Variants in NFIL3 observed in about 807,000 individuals in gnomAD.
The protein encoded by NFIL3 is nuclear factor, interleukin 3 regulated.
NFIL3 carries 5 observed loss-of-function variants against 10.0 expected under a neutral mutation model. That is an observed-to-expected ratio of 0.50 (90% CI 0.26 to 1.06). NFIL3 has a LOEUF of 1.06. Ranked by LOEUF, NFIL3 falls within the 50% of genes least tolerant of loss-of-function variation. The pLI, the probability that NFIL3 is intolerant of heterozygous loss-of-function variation, is 0.13. For synonymous variants in NFIL3, 202 were observed against 206.5 expected (o/e 0.98, Z 0.19); for missense variants, 436 against 547.6 (o/e 0.80, Z 2.03).
chr9:91,453,076 T>A, the NFIL3 span, among the ~76,000 whole-genome samples: 1 of 151,992 alleles, frequency 6.6e-6, no homozygotes, highest in Non-Finnish European at 1.5e-5. Context: ...ACATCTGAGG[T>A]CAATGTGTCA....
At chr9:91,420,960 T>C (rs1833751470) in intron 1 of NFIL3, among the ~76,000 whole-genome samples, 1 of 152,142 alleles carries the variant, frequency 6.6e-6, no homozygotes, top group Non-Finnish European at 1.5e-5. Context: ...GCCTTCCTTT[T>C]AATCACTATC....
At chr9:91,480,115 C>T in the NFIL3 span, among the ~76,000 whole-genome samples, 1 of 151,808 alleles carries the variant, frequency 6.6e-6, no homozygotes, top group Non-Finnish European at 1.5e-5. Flanking sequence ...TTGCCAGCCA[C>T]CTCCTGTATT....
the NFIL3 span, among the ~76,000 whole-genome samples, chr9:91,475,312 T>C: frequency 6.6e-6 from 1 of 152,228 alleles, no homozygotes; most frequent in African/African-American, 2.4e-5. Flanking sequence ...GTGCAGCATA[T>C]GTTTTATGTA....
the NFIL3 span, among the ~76,000 whole-genome samples, chr9:91,472,961 C>A: frequency 5.9e-5 from 9 of 152,184 alleles, no homozygotes; most frequent in African/African-American, 2.2e-4. Flanking sequence ...ACAGTCAGGA[C>A]CCTCAGCTGC....
At chr9:91,415,794 A>C (rs952918284) in intron 1 of NFIL3, among the ~76,000 whole-genome samples, 15 of 151,484 alleles carry the variant, frequency 9.9e-5, no homozygotes, top group Admixed American at 2.0e-4. Context: ...TGCCCAACTA[A>C]TTTTGTATTT....
chr9:91,476,924 TA>T, the NFIL3 span, among the ~76,000 whole-genome samples: 1 of 152,182 alleles, frequency 6.6e-6, no homozygotes, highest in Non-Finnish European at 1.5e-5. Flanking sequence ...AACAGAATAA[TA>T]AAAATATATT....
chr9:91,478,122 G>A, the NFIL3 span, among the ~76,000 whole-genome samples: 1 of 152,110 alleles, frequency 6.6e-6, no homozygotes, highest in Admixed American at 6.5e-5. Flanking sequence ...TGATGATTAT[G>A]TGTCTTGGGG....
At chr9:91,468,095 C>T in the NFIL3 span, among the ~76,000 whole-genome samples, 1 of 152,168 alleles carries the variant, frequency 6.6e-6, no homozygotes, top group Admixed American at 6.5e-5. Flanking sequence ...AGTTCTAGAT[C>T]CTTGAGGAAT....
chr9:91,467,882 C>A, the NFIL3 span, among the ~76,000 whole-genome samples: 3 of 152,292 alleles, frequency 2.0e-5, no homozygotes, highest in East Asian at 5.8e-4. Flanking sequence ...TTTTTTATGG[C>A]TGCATAGTAT....
At chr9:91,439,273 T>C in the NFIL3 span, among the ~76,000 whole-genome samples, 1 of 152,190 alleles carries the variant, frequency 6.6e-6, no homozygotes, top group Non-Finnish European at 1.5e-5. Context: ...GATGCTACTG[T>C]AAATGGGACT....
At chr9:91,425,905 T>C (rs1245292934), upstream of NFIL3, among the ~76,000 whole-genome samples, 2 of 152,220 alleles carry the variant, frequency 1.3e-5, no homozygotes, top group African/African-American at 4.8e-5. Context: ...GGGTCAGAAA[T>C]GCAGCTATTG....
the NFIL3 span, among the ~76,000 whole-genome samples, chr9:91,477,027 A>G: frequency 6.6e-6 from 1 of 152,202 alleles, no homozygotes; most frequent in African/African-American, 2.4e-5. Context: ...TGCATAACAC[A>G]TTACCAGAAA....
chr9:91,462,798 G>A, the NFIL3 span, among the ~76,000 whole-genome samples: 1 of 119,760 alleles, frequency 8.4e-6, no homozygotes, highest in African/African-American at 3.2e-5. Context: ...ATTTACCATT[G>A]ATTCCATCAA....
the NFIL3 span, among the ~76,000 whole-genome samples, chr9:91,460,267 G>T: frequency 6.0e-5 from 5 of 82,762 alleles, no homozygotes; most frequent in Admixed American, 4.9e-4. Flanking sequence ...AGGAGGGCTT[G>T]GTTCTTTTTT....
chr9:91,418,415 A>T (rs1833699011), intron 1 of NFIL3, among the ~76,000 whole-genome samples: 1 of 152,242 alleles, frequency 6.6e-6, no homozygotes, highest in Non-Finnish European at 1.5e-5. Context: ...TACATGCAAC[A>T]TGGTGTAATG....
At chr9:91,465,915 C>T in the NFIL3 span, among the ~76,000 whole-genome samples, 1 of 151,892 alleles carries the variant, frequency 6.6e-6, no homozygotes, top group South Asian at 2.1e-4. Context: ...TCTTGTGGTT[C>T]TTTTAGCTGG....
the NFIL3 span, among the ~76,000 whole-genome samples, chr9:91,467,612 G>A: frequency 6.6e-6 from 1 of 151,988 alleles, no homozygotes; most frequent in East Asian, 1.9e-4. Flanking sequence ...ACGTATACAT[G>A]TGCCATGTTG....
chr9:91,409,586 C>A lies in NFIL3; in HGVS notation c.1149G>T (p.Val383=). The A allele has an allele frequency of 6.2e-7, 1 of 1,614,180 alleles. No individual in the cohort carries two copies. Among genetic ancestry groups the A allele is most frequent in the South Asian group, 1.1e-5 (1 of 91,084 alleles). ...MVHSSLTPFS[V]QVTNIQDWSL... ...ACCAATCTTGAATGTTAGTCACTTG[C>A]ACTGAGAAAGGAGTAAGAGAAGAAT... The change falls in exon 2 of 2, where the codon GTG becomes GTT. Residue 383 remains valine, a synonymous_variant. Transcript: ENST00000297689.
the NFIL3 span, among the ~76,000 whole-genome samples, chr9:91,454,233 CAAA>C: frequency 1.2e-4 from 7 of 60,034 alleles, no homozygotes; most frequent in Admixed American, 1.8e-4. Flanking sequence ...GACTCTGTCT[CAAA>C]AAAAAAAAAA....
Sources: gnomAD v4.1 joint callset for allele counts (sites outside exome capture counted in the v4.1 genomes callset) on GRCh38, gnomAD v4.1.1 for gene constraint, MANE v1.5 for transcripts, NCBI Gene and HGNC (gene_info 2026-07-23, HGNC 2026-07-21) for gene names.